SOS1: variants seen among roughly 807,000 people sequenced by gnomAD.
SOS1 encodes SOS Ras/Rac guanine nucleotide exchange factor 1.
A neutral mutation model predicts 157.6 loss-of-function variants in SOS1; 25 were observed. The observed-to-expected ratio is 0.16, with a 90% CI of 0.12 to 0.22. SOS1 has a LOEUF of 0.22. Ranked by LOEUF, SOS1 falls within the 10% of genes least tolerant of loss-of-function variation. The pLI is 1.00. For missense variants in SOS1, 1,237 were observed against 1,599.1 expected, an observed-to-expected ratio of 0.77 and a Z score of 3.86; for synonymous variants, 528 against 534.0, an observed-to-expected ratio of 0.99 and a Z score of 0.16.
At chr2:39,101,487 C>T (rs533431078) in intron 1 of SOS1, among the ~76,000 whole-genome samples, 1 of 152,144 alleles carries the variant, frequency 6.6e-6, no homozygotes, top group Non-Finnish European at 1.5e-5. Flanking sequence ...AAACTTTATG[C>T]ATAGCATTAT....
intron 1 of SOS1, among the ~76,000 whole-genome samples, chr2:39,092,789 A>G (rs565314086): frequency 6.6e-6 from 1 of 152,386 alleles, no homozygotes; most frequent in African/African-American, 2.4e-5. Flanking sequence ...ATGAAATAAA[A>G]TATCTTCAAA....
At chr2:39,086,958 G>A (rs1178393477) in intron 1 of SOS1, among the ~76,000 whole-genome samples, 6 of 152,032 alleles carry the variant, frequency 3.9e-5, no homozygotes, top group Middle Eastern at 3.4e-3. Context: ...GATTACAGGC[G>A]CCCACCACCA....
chr2:39,018,203 T>A (rs946318954), intron 10 of SOS1, among the ~76,000 whole-genome samples: 10 of 151,934 alleles, frequency 6.6e-5, no homozygotes, highest in Admixed American at 5.3e-4. Flanking sequence ...CCCATTTTTA[T>A]ATTCTCCTTT....
At chr2:39,040,002 CTTTTATTT>C (rs1457064925) in intron 6 of SOS1, among the ~76,000 whole-genome samples, 1 of 151,902 alleles carries the variant, frequency 6.6e-6, no homozygotes, top group East Asian at 1.9e-4. Context: ...TCAACACCCC[CTTTTATTT>C]TTTTATTTTT....
chr2:39,087,596 G>A (rs970302599), intron 1 of SOS1, among the ~76,000 whole-genome samples: 5 of 152,194 alleles, frequency 3.3e-5, no homozygotes, highest in South Asian at 2.1e-4. Context: ...AGTCTCAAGC[G>A]TCTCGCCTGA....
intron 1 of SOS1, among the ~76,000 whole-genome samples, chr2:39,078,629 C>T (rs1672097805): frequency 6.6e-6 from 1 of 152,150 alleles, no homozygotes; most frequent in African/African-American, 2.4e-5. Context: ...CTACTGTGAA[C>T]TGTGCATGTG....
At chr2:39,062,435 T>TAAAAAAA (rs397974197) in intron 2 of SOS1, among the ~76,000 whole-genome samples, 28 of 138,462 alleles carry the variant, frequency 2.0e-4, no homozygotes, top group African/African-American at 2.6e-4. Context: ...AAAAAAAAAT[T>TAAAAAAA]AAAAAAAAAA....
At chr2:39,124,059 G>A (rs1299843405), upstream of SOS1, 1 of 152,436 alleles carries the variant, frequency 6.6e-6, no homozygotes, top group Non-Finnish European at 1.5e-5. Flanking sequence ...AGAAACTGCA[G>A]TGAAGAGACT....
chr2:39,004,192 G>A (rs1324883720), intron 17 of SOS1, among the ~76,000 whole-genome samples: 1 of 152,098 alleles, frequency 6.6e-6, no homozygotes, highest in Admixed American at 6.5e-5. Flanking sequence ...AAGGTGGGCG[G>A]ATCATGAAGT....
At position 39,023,073 on chromosome 2, in the gene SOS1, C is replaced by G; in HGVS notation, c.1355G>C (p.Arg452Pro). 4.3e-6 allele frequency: 7 copies of G among 1,613,734 alleles called. No homozygotes were observed. Among genetic ancestry groups the G allele is most frequent in the Non-Finnish European group, 5.9e-6 (7 of 1,179,732 alleles). The change falls in exon 10 of 23, where the codon CGT becomes CCT. Residue 452 changes from arginine (R) to proline (P), a missense_variant. Transcript: ENST00000402219. ...NEFIMEGTLT[R>P]VGAKHERHIF... Reference sequence around the variant, plus strand: ...GTGTCTCTCATGTTTGGCTCCTACACGTGTAAGAGTTCCTTCCATTATAAA... The same window carrying G: ...GTGTCTCTCATGTTTGGCTCCTACAGGTGTAAGAGTTCCTTCCATTATAAA...
intron 1 of SOS1, among the ~76,000 whole-genome samples, chr2:39,101,303 C>T (rs1029333487): frequency 2.6e-5 from 4 of 152,132 alleles, no homozygotes; most frequent in African/African-American, 9.7e-5. Context: ...TGCCCCATGA[C>T]CCCGAACACT....
chr2:39,054,979 A>T (rs1198410088), intron 4 of SOS1, among the ~76,000 whole-genome samples, 156 bp from the exon 5 acceptor site: 2 of 152,200 alleles, frequency 1.3e-5, no homozygotes, highest in African/African-American at 4.8e-5. Context: ...ATCCCTCCAC[A>T]GCTTCTCTAA....
chr2:39,080,996 G>A (rs1352557430), intron 1 of SOS1, among the ~76,000 whole-genome samples: 6 of 151,736 alleles, frequency 4.0e-5, no homozygotes, highest in Admixed American at 2.6e-4. Flanking sequence ...GACCTGCCTG[G>A]GCAACAAAGT....
chr2:38,989,703 T>C (rs995544784), intron 20 of SOS1, among the ~76,000 whole-genome samples: 2 of 152,124 alleles, frequency 1.3e-5, no homozygotes, highest in African/African-American at 4.8e-5. Context: ...GTTTATTTTA[T>C]GTAAGTTGAA....
Position 39,120,396 on chromosome 2 carries a change from C to T in SOS1, c.27G>A (p.Glu9=), listed in dbSNP as rs765768180. Residue 9 remains glutamate (E), a synonymous_variant, in exon 1 of 23, where the codon GAG becomes GAA. Transcript: ENST00000402219. MQAQQLPY[E]FFSEENAPKW... is the part of the protein sequence containing the mutation. ...TGGGCGCGTTCTCTTCGCTGAAAAA[C>T]TCGTAGGGCAGCTGCTGCGCCTGCA... is the stretch of plus-strand genomic sequence containing the variant. 1.2e-6 allele frequency: 2 copies of T among 1,600,402 alleles called. No homozygotes were observed. Among genetic ancestry groups the T allele is most frequent in the Admixed American group, 1.7e-5 (1 of 59,182 alleles).
rs929684559 is a variant in SOS1 at position 39,121,006 on chromosome 2, T to G, written c.-584A>C. ...CCGCCGCCGCCACCGCCGCCGCCGG[T>G]GTAGCGCTGGAGCTTCCTACTAGCG... On this transcript the variant is annotated 5_prime_UTR_variant, in exon 1 of 23. Transcript: ENST00000402219. The G allele has an allele frequency of 3.4e-5, 6 of 174,940 alleles. No homozygotes were observed. Among genetic ancestry groups the G allele is most frequent in the African/African-American group, 1.4e-4 (6 of 41,658 alleles). The allele number at this position is 174,940 out of a possible 1,614,324, so 10.8% of individuals were successfully genotyped here. A position where few individuals can be genotyped will look rare whatever the true frequency, so the allele number is the denominator to read the frequency against.
chr2:39,073,276 G>T (rs1482386877), intron 1 of SOS1, among the ~76,000 whole-genome samples: 2 of 152,266 alleles, frequency 1.3e-5, no homozygotes, highest in African/African-American at 4.8e-5. Context: ...TTCAAATTGG[G>T]ACTAAACTAT....
rs1060503525 is a variant in SOS1, at chr2:39,013,918, C to T, written c.2012G>A (p.Ser671Asn). The part of the protein sequence containing the change: ...IAIENGDQPL[S>N]AELKRFRKEY... Reference sequence around the variant, plus strand: ...TTTTCTAAATCTTTTCAGTTCTGCACTCAAGGGTTGATCTCCATTCTCTAT... The same window carrying T: ...TTTTCTAAATCTTTTCAGTTCTGCATTCAAGGGTTGATCTCCATTCTCTAT... Residue 671 changes from serine (S) to asparagine (N), a missense_variant, in exon 12 of 23, where the codon AGT (serine) becomes AAT (asparagine). By Grantham distance (46) the Ser-to-Asn change is conservative. Around this residue, in one of 15 missense-constraint regions of SOS1, gnomAD observed 55 missense variants for 43.1 expected, o/e 1.27. Transcript: ENST00000402219. 4 of 1,608,144 alleles carry T rather than the reference C, an allele frequency of 2.5e-6. No homozygotes were observed. Among genetic ancestry groups the T allele is most frequent in the African/African-American group, 2.7e-5 (2 of 74,870 alleles).
At chr2:39,107,133 G>C (rs1026131830) in intron 1 of SOS1, among the ~76,000 whole-genome samples, 2 of 151,680 alleles carry the variant, frequency 1.3e-5, no homozygotes, top group African/African-American at 4.9e-5. Context: ...TTACCCACCT[G>C]AAATGGGGAA....
Sources: gnomAD v4.1 joint callset for allele counts (sites outside exome capture counted in the v4.1 genomes callset) on GRCh38, gnomAD v4.1.1 for gene constraint, gnomAD v4.1.1 regional missense constraint, MANE v1.5 for transcripts, NCBI Gene and HGNC (gene_info 2026-07-23, HGNC 2026-07-21) for gene names.